SLC35D1: variants seen among roughly 807,000 people sequenced by gnomAD.
SLC35D1 encodes solute carrier family 35 member D1.
Under a neutral mutation model 46.7 loss-of-function variants are expected in SLC35D1, and 31 were observed. The ratio of observed to expected loss-of-function variants is 0.66; its 90% CI spans 0.50 to 0.90. The LOEUF (loss-of-function observed/expected upper bound fraction) is 0.90, where lower values mean the gene tolerates loss of function less well. Ranked by LOEUF, SLC35D1 falls within the 40% of genes least tolerant of loss-of-function variation. The pLI is 0.00. For missense variants in SLC35D1, 397 were observed against 426.2 expected (o/e 0.93, Z 0.60); for synonymous variants, 195 against 164.6 (o/e 1.18, Z -1.41).
At chr1:67,034,110 G>C (rs1367870295) in intron 8 of SLC35D1, among the ~76,000 whole-genome samples, 1 of 152,158 alleles carries the variant, frequency 6.6e-6, no homozygotes, top group Non-Finnish European at 1.5e-5. Flanking sequence ...AGTATAATTT[G>C]AAGTCAGGTA....
the SLC35D1 span, chr1:66,976,830 C>A: frequency 2.1e-6 from 2 of 958,846 alleles, no homozygotes; most frequent in African/African-American, 1.7e-5. Flanking sequence ...TATACTTGAT[C>A]TTAACCAGAA....
At chr1:66,985,027 T>C in the SLC35D1 span, 4 of 1,398,162 alleles carry the variant, frequency 2.9e-6, no homozygotes, top group African/African-American at 5.9e-5. Flanking sequence ...GTCTTAACTT[T>C]AGGAAATGAG....
intron 8 of SLC35D1, among the ~76,000 whole-genome samples, chr1:67,034,197 T>C (rs1668078234): frequency 6.6e-6 from 1 of 152,184 alleles, no homozygotes; most frequent in Admixed American, 6.5e-5. Flanking sequence ...TCCACATAAA[T>C]TTTAGGATAT....
At chr1:67,047,444 T>G (rs1049156272) in intron 6 of SLC35D1, 77 bp from the exon 7 acceptor site, 2 of 1,199,420 alleles carry the variant, frequency 1.7e-6, no homozygotes, top group African/African-American at 3.0e-5. Context: ...AGCTAAAATA[T>G]TTACAAGAAC....
At chr1:66,987,738 A>T in the SLC35D1 span, 1 of 152,360 alleles carries the variant, frequency 6.6e-6, no homozygotes, top group South Asian at 2.1e-4. Context: ...GATTGTTTGA[A>T]TGATGCATGT....
chr1:67,042,112 A>T lies in SLC35D1; in HGVS notation c.729+124T>A, dbSNP rs552531678. ...GCATGACATTAGCAATTTAAAGAGT[A>T]AATGCTCAGTTTTTGGTCACTTAAT... On this transcript the variant is annotated intron_variant, in intron 8 of 11. Coordinates refer to ENST00000235345, the MANE Select transcript of SLC35D1 (RefSeq NM_015139.3). 302 of 911,850 alleles carry T rather than the reference A, an allele frequency of 3.3e-4. 1 individual carries two copies. The South Asian group carries it at 3.9e-3, about 12-fold the overall frequency. 56.5% of individuals were successfully genotyped at this position (911,850 alleles called of 1,614,324 possible). A position where few individuals can be genotyped will look rare whatever the true frequency, so the allele number is the denominator to read the frequency against.
At chr1:66,990,762 G>T in the SLC35D1 span, among the ~76,000 whole-genome samples, 170 of 152,278 alleles carry the variant, frequency 1.1e-3, no homozygotes, top group African/African-American at 4.0e-3. Flanking sequence ...TTTTTGAGTG[G>T]TGGACTTAGA....
downstream of SLC35D1, among the ~76,000 whole-genome samples, chr1:66,999,002 T>C (rs1402816191): frequency 1.3e-5 from 2 of 152,216 alleles, no homozygotes; most frequent in Non-Finnish European, 2.9e-5. Context: ...CACAATCTTT[T>C]TCTTTAAAAA....
the SLC35D1 span, among the ~76,000 whole-genome samples, chr1:66,978,084 T>C: frequency 6.6e-6 from 1 of 151,576 alleles, no homozygotes; most frequent in African/African-American, 2.4e-5. Flanking sequence ...TAGTCTCAGC[T>C]ACTCGGGAGA....
chr1:67,021,679 T>A, intron 8 of SLC35D1, 77 bp from the exon 9 acceptor site: 1 of 1,343,820 alleles, frequency 7.4e-7, no homozygotes, highest in Non-Finnish European at 1.1e-6. Flanking sequence ...TAAATCCTTC[T>A]ACGAGTCTGC....
intron 7 of SLC35D1, 89 bp from the exon 8 acceptor site, chr1:67,042,417 T>C: frequency 2.9e-6 from 3 of 1,043,850 alleles, no homozygotes; most frequent in Non-Finnish European, 3.0e-6. Flanking sequence ...TACACATAAA[T>C]ACACAAACAC....
chr1:67,003,590 T>G lies in SLC35D1; in HGVS notation c.*750A>C, dbSNP rs1667385841. 6.6e-6 allele frequency: 1 copy of G among 152,588 alleles called. No homozygotes were observed. Among genetic ancestry groups the G allele is most frequent in the Non-Finnish European group, 1.5e-5 (1 of 68,238 alleles). The allele number at this position is 152,588 out of a possible 1,614,324, so 9.5% of individuals were successfully genotyped here. A position where few individuals can be genotyped will look rare whatever the true frequency, so the allele number is the denominator to read the frequency against. Reference sequence around the variant, plus strand: ...TGCAAACATCTCTGTATCCCCAGCATTTAGCACAATGCCTGGCACATATAC... The same window carrying G: ...TGCAAACATCTCTGTATCCCCAGCAGTTAGCACAATGCCTGGCACATATAC... On this transcript the variant is annotated 3_prime_UTR_variant, in exon 12 of 12. Coordinates refer to ENST00000235345, the MANE Select transcript of SLC35D1 (RefSeq NM_015139.3).
chr1:67,016,347 T>A (rs566812380), intron 10 of SLC35D1, among the ~76,000 whole-genome samples: 3 of 152,172 alleles, frequency 2.0e-5, no homozygotes, highest in Admixed American at 1.3e-4. Context: ...ATCGGTAGAG[T>A]CCAAAATTTG....
chr1:67,042,178 A>G (rs1236928135), intron 8 of SLC35D1, 58 bp downstream of exon 8: 1 of 1,440,098 alleles, frequency 6.9e-7, no homozygotes, highest in Non-Finnish European at 9.8e-7. Context: ...TCTTTTCATC[A>G]TAAATAATAA....
the SLC35D1 span, among the ~76,000 whole-genome samples, chr1:66,977,190 G>A: frequency 1.3e-5 from 2 of 151,642 alleles, no homozygotes; most frequent in Non-Finnish European, 2.9e-5. Context: ...GCTCCCTGCA[G>A]CCTCCGTCTC....
At chr1:66,975,990 T>G in the SLC35D1 span, among the ~76,000 whole-genome samples, 1,365 of 151,728 alleles carry the variant, frequency 9.0e-3, 13 homozygotes, top group South Asian at 0.027. Context: ...GGCCTTTTTT[T>G]TGTGTGTGTG....
At chr1:66,978,145 G>A in the SLC35D1 span, among the ~76,000 whole-genome samples, 4 of 149,066 alleles carry the variant, frequency 2.7e-5, no homozygotes, top group Non-Finnish European at 5.9e-5. Context: ...GCAGTGAGCC[G>A]AGATCAAACC....
chr1:66,978,387 G>C, the SLC35D1 span, among the ~76,000 whole-genome samples: 2 of 152,078 alleles, frequency 1.3e-5, no homozygotes, highest in African/African-American at 4.8e-5. Context: ...ATTCACCCTT[G>C]GAAATCATGG....
rs1278724076 is a variant in SLC35D1 at position 67,052,095 on chromosome 1, A to G, written c.325-16T>C. The G allele has an allele frequency of 1.3e-6, 2 of 1,535,716 alleles. No individual in the cohort carries two copies. Among genetic ancestry groups the G allele is most frequent in the Non-Finnish European group, 1.8e-6 (2 of 1,108,712 alleles). ...GTGGAAACGTCTAGAAAATTTAAAAAGGGATAACAAAACTCAATAATAAAG... is the reference window on the plus strand; with the variant it reads ...GTGGAAACGTCTAGAAAATTTAAAAGGGGATAACAAAACTCAATAATAAAG... On this transcript the variant is annotated splice_polypyrimidine_tract_variant and intron_variant, in intron 3 of 11. Coordinates refer to ENST00000235345, the MANE Select transcript of SLC35D1 (RefSeq NM_015139.3).
Sources: allele counts gnomAD v4.1 joint callset (sites outside exome capture counted in the v4.1 genomes callset), GRCh38; gene constraint gnomAD v4.1.1; transcripts MANE v1.5; gene names NCBI Gene and HGNC (gene_info 2026-07-23, HGNC 2026-07-21).